Variants in TENM4 observed in about 807,000 individuals in gnomAD.
The protein encoded by TENM4 is teneurin transmembrane protein 4.
In TENM4, 82 loss-of-function variants were observed where a neutral mutation model predicts 243.3. The ratio of observed to expected loss-of-function variants is 0.34; its 90% CI spans 0.28 to 0.40. The LOEUF is 0.40. Among genes scored for constraint, TENM4 ranks in the 10% least tolerant of loss-of-function variants. The pLI is 1.00. For synonymous variants in TENM4, 1,412 were observed against 1,456.3 expected (o/e 0.97, Z 0.69); for missense variants, 3,138 against 3,673.3 (o/e 0.85, Z 3.77).
chr11:79,069,204 G>T (rs777605187), intron 5 of TENM4, among the ~76,000 whole-genome samples: 1 of 152,140 alleles, frequency 6.6e-6, no homozygotes, highest in African/African-American at 2.4e-5. Context: ...TAACCATCTC[G>T]GGAAGGTCTT....
intron 26 of TENM4, 32 bp from the exon 27 acceptor site, chr11:78,708,547 G>T: frequency 6.2e-7 from 1 of 1,608,708 alleles, no homozygotes; most frequent in African/African-American, 1.3e-5. Context: ...CAGGAACTCA[G>T]CATCAGAGAT....
intron 6 of TENM4, among the ~76,000 whole-genome samples, chr11:78,914,845 C>A (rs370427512): frequency 9.8e-4 from 150 of 152,354 alleles, no homozygotes; most frequent in Non-Finnish European, 1.8e-3. Flanking sequence ...TACGTTAGCT[C>A]AGGTCCTCAC....
intron 15 of TENM4, among the ~76,000 whole-genome samples, chr11:78,795,371 T>C (rs1328281437): frequency 6.6e-6 from 1 of 152,212 alleles, no homozygotes; most frequent in East Asian, 1.9e-4. Context: ...AGTGCTCACG[T>C]AACTGTTCAA....
chr11:78,719,807 T>G (rs1003655649), intron 25 of TENM4, among the ~76,000 whole-genome samples: 10 of 152,208 alleles, frequency 6.6e-5, no homozygotes, highest in African/African-American at 2.4e-4. Context: ...TGAGTCTACA[T>G]GACAAACCTA....
chr11:78,987,876 T>C, intron 6 of TENM4, among the ~76,000 whole-genome samples: 1 of 152,142 alleles, frequency 6.6e-6, no homozygotes, highest in East Asian at 1.9e-4. Flanking sequence ...AGGTTACGTT[T>C]TTTCCCCCAG....
intron 4 of TENM4, among the ~76,000 whole-genome samples, chr11:79,143,996 C>T (rs1428985953): frequency 6.6e-6 from 1 of 151,944 alleles, no homozygotes; most frequent in Non-Finnish European, 1.5e-5. Context: ...AAAACAATAT[C>T]AACAAAGTAA....
chr11:79,067,238 C>T (rs1860286958), intron 5 of TENM4, among the ~76,000 whole-genome samples: 1 of 152,186 alleles, frequency 6.6e-6, no homozygotes, highest in African/African-American at 2.4e-5. Flanking sequence ...TCCTCCGTGC[C>T]CTACTCCAAT....
At chr11:79,381,644 T>C (rs80105791) in intron 1 of TENM4, among the ~76,000 whole-genome samples, 4,309 of 150,924 alleles carry the variant, frequency 0.029, 215 homozygotes, top group African/African-American at 0.1. Flanking sequence ...ATATTTGAAT[T>C]GGATGGGTTC....
chr11:79,069,713 T>A lies in TENM4; in HGVS notation c.223+9A>T. The stretch of plus-strand genomic sequence containing the variant: ...CGCCTGAGGCCCGCCCCCTCGGCCT[T>A]GTCCTTACCTGTGCGGCAGAATTCC... On this transcript the variant is annotated intron_variant, in intron 5 of 33. Transcript: ENST00000278550. The A allele has an allele frequency of 1.9e-6, 3 of 1,548,098 alleles. No homozygotes were observed. Among genetic ancestry groups the A allele is most frequent in the Non-Finnish European group, 2.6e-6 (3 of 1,145,608 alleles).
At chr11:79,354,384 G>A (rs550353380) in intron 1 of TENM4, among the ~76,000 whole-genome samples, 3 of 152,160 alleles carry the variant, frequency 2.0e-5, no homozygotes, top group Non-Finnish European at 4.4e-5. Context: ...TATTGCAAGT[G>A]CATTTTATTT....
intron 2 of TENM4, among the ~76,000 whole-genome samples, chr11:79,236,578 A>G (rs1864477990): frequency 6.6e-6 from 1 of 152,168 alleles, no homozygotes; most frequent in South Asian, 2.1e-4. Context: ...TCGGATGGTG[A>G]GCGAACCCTC....
In TENM4 at chr11:78,727,186, C is replaced by T. The variant is rs536188848; in HGVS notation, c.3407-964G>A. Among the ~76,000 whole-genome samples the T allele has an allele frequency of 2.7e-3, 417 of 152,246 alleles. 3 individuals are homozygous for T. Among genetic ancestry groups the T allele is most frequent in the Non-Finnish European group, 5.0e-3 (340 of 68,006 alleles). ...ATTACGGGTTGGGCGCGGTGGCTCA[C>T]GCCTGTAATCCCAGCACTTTGGGAG... On this transcript the variant is annotated intron_variant, in intron 22 of 33. Transcript: ENST00000278550.
intron 3 of TENM4, among the ~76,000 whole-genome samples, chr11:79,161,124 A>G (rs1862737722): frequency 6.6e-6 from 1 of 152,194 alleles, no homozygotes; most frequent in South Asian, 2.1e-4. Flanking sequence ...GAACATCTCT[A>G]TCCCCCTGGC....
At chr11:79,202,605 G>C (rs560165390) in intron 3 of TENM4, among the ~76,000 whole-genome samples, 11 of 152,298 alleles carry the variant, frequency 7.2e-5, no homozygotes, top group Non-Finnish European at 1.5e-4. Context: ...CTTGTTGTTT[G>C]GGGGTGGCTT....
chr11:78,940,285 C>T (rs571946759), intron 6 of TENM4, among the ~76,000 whole-genome samples: 22 of 152,270 alleles, frequency 1.4e-4, no homozygotes, highest in Non-Finnish European at 2.8e-4. Context: ...ATCAAATGGA[C>T]AGAAGATGTT....
intron 6 of TENM4, among the ~76,000 whole-genome samples, chr11:79,046,400 C>T (rs751520371): frequency 6.6e-6 from 1 of 152,130 alleles, no homozygotes; most frequent in Non-Finnish European, 1.5e-5. Context: ...GTCATAGTGC[C>T]TGGCAACTAA....
intron 6 of TENM4, among the ~76,000 whole-genome samples, chr11:78,991,177 A>G (rs147968707): frequency 4.7e-4 from 71 of 152,286 alleles, no homozygotes; most frequent in African/African-American, 1.6e-3. Context: ...TGAAGCTGAG[A>G]ATGCTAAGAC....
At chr11:79,121,176 TTTTCTTGTTTACATAGGC>T (rs59325957) in intron 4 of TENM4, among the ~76,000 whole-genome samples, 117,711 of 151,300 alleles carry the variant, frequency 0.78, 49,256 homozygotes, top group Non-Finnish European at 0.97. Flanking sequence ...TCCATTCTAG[TTTTCTTGTTTACATAGGC>T]TTTCTTGTTT....
At chr11:78,964,107 A>G (rs2136544417) in intron 6 of TENM4, among the ~76,000 whole-genome samples, 1 of 131,014 alleles carries the variant, frequency 7.6e-6, no homozygotes, top group African/African-American at 3.0e-5. Context: ...CAGTGGTGTG[A>G]TCTTGGCTCA....
Sources: allele counts gnomAD v4.1 joint callset (sites outside exome capture counted in the v4.1 genomes callset), GRCh38; gene constraint gnomAD v4.1.1; transcripts MANE v1.5; gene names NCBI Gene and HGNC (gene_info 2026-07-23, HGNC 2026-07-21).